The following BBS5 variants were observed in gnomAD, a reference collection of about 807,000 sequenced individuals.
BBS5 encodes BBSome complex member BBS5.
Under a neutral mutation model 50.2 loss-of-function variants are expected in BBS5, and 39 were observed. That is an observed-to-expected ratio of 0.78 (90% CI 0.60 to 1.01). The LOEUF (loss-of-function observed/expected upper bound fraction) is 1.01. BBS5 is among the 50% of genes least tolerant of loss of function. BBS5 has a pLI of 0.00. For synonymous variants in BBS5, 134 were observed against 133.1 expected (o/e 1.01, Z -0.05); for missense variants, 356 against 401.5 (o/e 0.89, Z 0.97).
rs566914287 is a variant in BBS5, at chr2:169,487,281, A to C, written c.208+147A>C. On this transcript the variant is annotated intron_variant, in intron 3 of 11. Coordinates refer to ENST00000295240, the MANE Select transcript of BBS5 (RefSeq NM_152384.3). ...TCCTAGACATCATAATGCAAACAAA[A>C]TTATCCATTATTATTTTGGTTTGTC... is the stretch of plus-strand genomic sequence containing the variant. The C allele has an allele frequency of 2.7e-5, 17 of 635,012 alleles. 1 individual carries two copies. The South Asian group carries it at 3.2e-4, about 12-fold the overall frequency. 39.3% of individuals were successfully genotyped at this position (635,012 alleles called of 1,614,324 possible).
At chr2:169,496,848 A>G (rs571147689) in intron 7 of BBS5, among the ~76,000 whole-genome samples, 30 of 152,158 alleles carry the variant, frequency 2.0e-4, no homozygotes, top group Middle Eastern at 3.4e-3. Context: ...CAGCCTGGGC[A>G]ACAGAGCGAG....
chr2:169,488,549 C>G (rs545157061), intron 5 of BBS5, among the ~76,000 whole-genome samples: 2 of 152,336 alleles, frequency 1.3e-5, no homozygotes, highest in Admixed American at 6.5e-5. Context: ...CACTCACCCC[C>G]CAACCACTCA....
chr2:169,481,189 G>GA (rs1333932728), intron 1 of BBS5, among the ~76,000 whole-genome samples: 4 of 152,116 alleles, frequency 2.6e-5, no homozygotes, highest in African/African-American at 9.7e-5. Flanking sequence ...ATACCATTCT[G>GA]AAAAAATGAG....
chr2:169,501,083 G>C (rs1203089376), intron 9 of BBS5, among the ~76,000 whole-genome samples: 5 of 152,142 alleles, frequency 3.3e-5, no homozygotes, highest in Admixed American at 1.3e-4. Context: ...AATTATGCAA[G>C]TCAATAAGAT....
intron 9 of BBS5, among the ~76,000 whole-genome samples, chr2:169,500,377 A>G (rs1199815651): frequency 3.3e-5 from 5 of 152,180 alleles, no homozygotes; most frequent in Non-Finnish European, 5.9e-5. Context: ...TGTCTGCTCT[A>G]TCACTGGGAC....
chr2:169,479,903 A>T lies in BBS5; in HGVS notation c.59+291A>T, dbSNP rs149881699. On this transcript the variant is annotated intron_variant, in intron 1 of 11. Transcript: ENST00000295240. ...ACGGATCAGGAATGTGAACCTGAGCACGACCGGGGCCACCCGGGGCTTAGC... is the reference window on the plus strand; with the variant it reads ...ACGGATCAGGAATGTGAACCTGAGCTCGACCGGGGCCACCCGGGGCTTAGC... Among the ~76,000 whole-genome samples the T allele has an allele frequency of 8.8e-3, 1,341 of 152,350 alleles. 26 individuals carry two copies. The highest frequency in any genetic ancestry group is 0.031 in the African/African-American group (1,282 of 41,586).
chr2:169,489,702 A>G (rs1683556315), intron 5 of BBS5, among the ~76,000 whole-genome samples: 1 of 150,726 alleles, frequency 6.6e-6, no homozygotes, highest in African/African-American at 2.4e-5. Context: ...CCTAAGTGCT[A>G]TGATTTTTTT....
At chr2:169,492,488 C>CA (rs111566391) in intron 5 of BBS5, among the ~76,000 whole-genome samples, 11,509 of 95,044 alleles carry the variant, frequency 0.12, 700 homozygotes, top group African/African-American at 0.24. Flanking sequence ...GACTCCATCT[C>CA]AAAAAAAAAA....
At chr2:169,500,578 C>T (rs1219779787) in intron 9 of BBS5, among the ~76,000 whole-genome samples, 1 of 152,196 alleles carries the variant, frequency 6.6e-6, no homozygotes, top group Non-Finnish European at 1.5e-5. Flanking sequence ...ATCGGTGCCC[C>T]TGCTGGGGCT....
At chr2:169,488,776 T>G (rs941794106) in intron 5 of BBS5, among the ~76,000 whole-genome samples, 2 of 152,252 alleles carry the variant, frequency 1.3e-5, no homozygotes, top group African/African-American at 4.8e-5. Context: ...ATAAAACTAC[T>G]GAAGATTCAT....
Position 169,488,017 on chromosome 2 carries a change from A to G in BBS5, c.289A>G (p.Ile97Val), listed in dbSNP as rs1683515380. 2 of 1,613,868 alleles carry G rather than the reference A, an allele frequency of 1.2e-6. No homozygotes were observed. The highest frequency in any genetic ancestry group is 8.5e-7 in the Non-Finnish European group (1 of 1,179,818). Residue 97 changes from isoleucine to valine, a missense_variant, in exon 5 of 12, where the codon ATA (isoleucine) becomes GTA (valine). Ile to Val is a conservative substitution (Grantham distance 29). Transcript: ENST00000295240. ...KLRGQTEALYILTKCNSTRFE... is the reference protein window; with the variant it reads ...KLRGQTEALYVLTKCNSTRFE... ...ACGAGGCCAAACTGAAGCTCTCTATATACTAACAAAATGTAACAGTACTCG... is the reference window on the plus strand; with the variant it reads ...ACGAGGCCAAACTGAAGCTCTCTATGTACTAACAAAATGTAACAGTACTCG...
At chr2:169,481,877 T>C (rs1352225772) in intron 1 of BBS5, among the ~76,000 whole-genome samples, 1 of 152,212 alleles carries the variant, frequency 6.6e-6, no homozygotes, top group Non-Finnish European at 1.5e-5. Flanking sequence ...TCCTCCTTAG[T>C]TATCCAACAA....
chr2:169,481,899 C>G (rs944261304), intron 1 of BBS5, among the ~76,000 whole-genome samples: 3 of 152,248 alleles, frequency 2.0e-5, no homozygotes, highest in African/African-American at 4.8e-5. Context: ...ATTTCTCTCA[C>G]TACCTCCCAA....
At chr2:169,487,688 C>T in intron 3 of BBS5, 118 bp from the exon 4 acceptor site, 2 of 658,678 alleles carry the variant, frequency 3.0e-6, no homozygotes, top group East Asian at 2.9e-5. Flanking sequence ...AAGTTTATTT[C>T]TATATATGTT....
At chr2:169,482,933 G>A (rs1683425949) in intron 2 of BBS5, among the ~76,000 whole-genome samples, 1 of 152,188 alleles carries the variant, frequency 6.6e-6, no homozygotes, top group South Asian at 2.1e-4. Flanking sequence ...GCCCATAGCA[G>A]CTATCTGTGG....
At chr2:169,490,069 G>T (rs1683565822) in intron 5 of BBS5, among the ~76,000 whole-genome samples, 1 of 144,918 alleles carries the variant, frequency 6.9e-6, no homozygotes, top group Non-Finnish European at 1.5e-5. Context: ...TGGAGACGGG[G>T]TTTCACCATG....
Position 169,499,466 on chromosome 2 carries a change from T to A in BBS5, c.682-20T>A, listed in dbSNP as rs768708908. 46 of 1,608,462 alleles carry A rather than the reference T, an allele frequency of 2.9e-5. No homozygotes were observed. The highest frequency in any genetic ancestry group is 2.7e-4 in the African/African-American group (20 of 74,538). On this transcript the variant is annotated intron_variant, in intron 8 of 11. Coordinates refer to ENST00000295240, the MANE Select transcript of BBS5 (RefSeq NM_152384.3). ...TCTTCAGACTTGTTGGGTTTTTTTT[T>A]ATTATTTTTTCTCTTGTAGAGTGGT... is the stretch of plus-strand genomic sequence containing the variant.
At position 169,493,011 on chromosome 2, in the gene BBS5, T is replaced by G; in HGVS notation, c.522+2T>G. 2 of 1,613,500 alleles carry G rather than the reference T, an allele frequency of 1.2e-6. No homozygotes were observed. Among genetic ancestry groups the G allele is most frequent in the Middle Eastern group, 3.3e-4 (2 of 6,042 alleles). On this transcript the variant is annotated splice_donor_variant, in intron 6 of 11. Coordinates refer to ENST00000295240, the MANE Select transcript of BBS5 (RefSeq NM_152384.3). LOFTEE classifies it high-confidence loss of function. Reference sequence around the variant, plus strand: ...GTTTGGAATTTATCCAGTGATCAGGTATTGTGCAAAGAGCTAGTGAACCTT... The same window carrying G: ...GTTTGGAATTTATCCAGTGATCAGGGATTGTGCAAAGAGCTAGTGAACCTT...
At position 169,506,482 on chromosome 2, in the gene BBS5, A is replaced by C. The variant is rs1683931712; in HGVS notation, c.*1900A>C. On this transcript the variant is annotated 3_prime_UTR_variant, in exon 12 of 12. Transcript: ENST00000295240. ...AGAAAAATTCTTACCCTAAAACTTA[A>C]AGTATAATAAAAAAAAAAAAACTTC... The C allele has an allele frequency of 6.7e-6, 1 of 149,672 alleles. No homozygotes were observed. Among genetic ancestry groups the C allele is most frequent in the Non-Finnish European group, 1.5e-5 (1 of 67,558 alleles). 9.3% of individuals were successfully genotyped at this position (149,672 alleles called of 1,614,324 possible). A position where few individuals can be genotyped will look rare whatever the true frequency, so the allele number is the denominator to read the frequency against.
Sources: allele counts gnomAD v4.1 joint callset (sites outside exome capture counted in the v4.1 genomes callset), GRCh38; gene constraint gnomAD v4.1.1; transcripts MANE v1.5; gene names NCBI Gene and HGNC (gene_info 2026-07-23, HGNC 2026-07-21).